CELF2: variants seen among roughly 807,000 people sequenced by gnomAD.
CELF2 encodes the protein CUG triplet repeat RNA-binding protein 2.
In CELF2, 8 loss-of-function variants were observed where a neutral mutation model predicts 62.6. The ratio of observed to expected loss-of-function variants is 0.13; its 90% CI spans 0.07 to 0.23. The LOEUF is 0.23. Ranked by LOEUF, CELF2 falls within the 10% of genes least tolerant of loss-of-function variation. The probability of loss-of-function intolerance (pLI) is 1.00; values close to 1 mark genes in which losing one functional copy is unlikely to be tolerated. For synonymous variants in CELF2, 258 were observed against 250.0 expected (o/e 1.03, Z -0.30); for missense variants, 333 against 671.0 (o/e 0.50, Z 5.56).
the CELF2 span, among the ~76,000 whole-genome samples, chr10:10,614,311 G>A: frequency 2.4e-4 from 37 of 151,982 alleles, no homozygotes; most frequent in Admixed American, 3.3e-4. Flanking sequence ...CTACCAGAGT[G>A]GTAGAAGACT....
At chr10:10,893,159 G>A (rs1032743815) in intron 1 of CELF2, among the ~76,000 whole-genome samples, 3 of 152,170 alleles carry the variant, frequency 2.0e-5, no homozygotes, top group African/African-American at 7.2e-5. Flanking sequence ...AAATCCCAAT[G>A]AGGGCAGTCA....
chr10:10,849,908 C>T (rs534604991), intron 1 of CELF2, among the ~76,000 whole-genome samples: 16 of 151,538 alleles, frequency 1.1e-4, no homozygotes, highest in Admixed American at 3.9e-4. Flanking sequence ...TTTGGGAGGC[C>T]GAGGCAGGCA....
chr10:10,904,160 T>C (rs1363123072), intron 1 of CELF2, among the ~76,000 whole-genome samples: 3 of 152,212 alleles, frequency 2.0e-5, no homozygotes, highest in Non-Finnish European at 4.4e-5. Flanking sequence ...ATCCTTAAAC[T>C]GAACCATATT....
In CELF2 at chr10:11,159,014, G is replaced by T. The variant is rs1460358035; in HGVS notation, c.75-6472G>T. Among the ~76,000 whole-genome samples, 2 of 152,222 alleles carry T rather than the reference G, an allele frequency of 1.3e-5. No individual in the cohort carries two copies. The highest frequency in any genetic ancestry group is 4.8e-5 in the African/African-American group (2 of 41,464). ...TTCAGAGGAGCTCAAGCTATTTAAT[G>T]ACAATTTGACCATTTAGAGAAGGGC... On this transcript the variant is annotated intron_variant, in intron 1 of 12. Coordinates refer to ENST00000633077, the MANE Select transcript of CELF2 (RefSeq NM_001326342.2). The surrounding 1 kb of genome is among the most constrained non-coding windows in gnomAD (Gnocchi z 5.0).
At chr10:11,276,847 C>T (rs72775851) in intron 8 of CELF2, among the ~76,000 whole-genome samples, 16,866 of 152,292 alleles carry the variant, frequency 0.11, 1,098 homozygotes, top group Middle Eastern at 0.17. Context: ...AGCCCCTGCA[C>T]GCTCTGCGTG....
rs2075639188 is a variant in CELF2 at position 11,246,447 on chromosome 10, C to T, written c.355-2706C>T. On this transcript the variant is annotated intron_variant, in intron 3 of 12. Transcript: ENST00000633077. This position sits in a 1 kb window ranked among gnomAD's most constrained non-coding sequence, Gnocchi z 4.6. ...GTGACCTCAAAATAGAAGAAGCCCT[C>T]ATTCACCCTATCTACTGTTACCCTC... 6.6e-6 allele frequency among the ~76,000 whole-genome samples: 1 copy of T among 152,196 alleles called. No homozygotes were observed. The highest frequency in any genetic ancestry group is 2.4e-5 in the African/African-American group (1 of 41,444).
At chr10:10,804,037 G>A (rs756813601) in intron 1 of CELF2, among the ~76,000 whole-genome samples, 19 of 152,292 alleles carry the variant, frequency 1.2e-4, no homozygotes, top group South Asian at 2.1e-4. Context: ...GCTTTTTTCT[G>A]TGCCAATCAG....
chr10:10,839,206 G>C (rs577286185), intron 1 of CELF2, among the ~76,000 whole-genome samples: 2 of 152,106 alleles, frequency 1.3e-5, no homozygotes, highest in Admixed American at 1.3e-4. Flanking sequence ...CTGCTACCGG[G>C]TTGTCATTGC....
rs921456615 is a variant in CELF2 at position 11,242,642 on chromosome 10, A to C, written c.355-6511A>C. 1.3e-5 allele frequency among the ~76,000 whole-genome samples: 2 copies of C among 152,044 alleles called. No homozygotes were observed. The highest frequency in any genetic ancestry group is 3.8e-4 in the East Asian group (2 of 5,198). On this transcript the variant is annotated intron_variant, in intron 3 of 12. Coordinates refer to ENST00000633077, the MANE Select transcript of CELF2 (RefSeq NM_001326342.2). This position sits in a 1 kb window ranked among gnomAD's most constrained non-coding sequence, Gnocchi z 4.8. ...AGAAATGGCTTTGCTCCAAAGTCGTACTCTCATTTTCATTTTCATGAGTCA... is the reference window on the plus strand; with the variant it reads ...AGAAATGGCTTTGCTCCAAAGTCGTCCTCTCATTTTCATTTTCATGAGTCA...
At chr10:11,163,073 C>T (rs1201451301) in intron 1 of CELF2, among the ~76,000 whole-genome samples, 1 of 152,056 alleles carries the variant, frequency 6.6e-6, no homozygotes, top group African/African-American at 2.4e-5. Flanking sequence ...CATTGGCCGG[C>T]TCCTCTACTT....
the CELF2 span, among the ~76,000 whole-genome samples, chr10:10,557,550 G>GTT: frequency 6.7e-6 from 1 of 150,252 alleles, no homozygotes; most frequent in Non-Finnish European, 1.5e-5. Flanking sequence ...CTTTAAAATA[G>GTT]TTTTTTCCAA....
the CELF2 span, among the ~76,000 whole-genome samples, chr10:10,464,117 G>A: frequency 1.3e-5 from 2 of 152,054 alleles, no homozygotes; most frequent in African/African-American, 2.4e-5. Context: ...GAACCATGCC[G>A]CCCCTGGGTC....
intron 2 of CELF2, chr10:10,948,290 C>G (rs1006330832): frequency 1.3e-5 from 2 of 152,248 alleles, no homozygotes; most frequent in Non-Finnish European, 2.9e-5. Flanking sequence ...CCAGGAGGTG[C>G]CCTCTGGGAG....
At chr10:11,171,364 C>G (rs1439106171) in intron 2 of CELF2, 2 of 152,212 alleles carry the variant, frequency 1.3e-5, no homozygotes, top group Non-Finnish European at 2.9e-5. Flanking sequence ...GCTGGCCCGA[C>G]TGATCTTCGA....
intron 2 of CELF2, among the ~76,000 whole-genome samples, chr10:10,953,291 ATACCATCTATAAT>A (rs1360427196): frequency 6.6e-6 from 1 of 152,194 alleles, no homozygotes; most frequent in Non-Finnish European, 1.5e-5. Context: ...CTTTCACTCT[ATACCATCTATAAT>A]TACCATCTAT....
At chr10:10,878,720 G>C (rs1206350311) in intron 1 of CELF2, among the ~76,000 whole-genome samples, 18 of 152,054 alleles carry the variant, frequency 1.2e-4, no homozygotes, top group Admixed American at 1.2e-3. Flanking sequence ...AAGAGTGTTT[G>C]TTTCCAATTC....
chr10:10,532,485 G>C, the CELF2 span, among the ~76,000 whole-genome samples: 1 of 152,222 alleles, frequency 6.6e-6, no homozygotes, highest in African/African-American at 2.4e-5. Flanking sequence ...GGAACCCTAA[G>C]AGTTTAAGTG....
Position 10,911,936 on chromosome 10 carries a change from A to G in CELF2, c.54-8028A>G, listed in dbSNP as rs1327505393. 2.0e-5 allele frequency among the ~76,000 whole-genome samples: 3 copies of G among 152,324 alleles called. No individual in the cohort carries two copies. In the East Asian group the frequency reaches 5.8e-4, roughly 29 times the overall value. On this transcript the variant is annotated intron_variant, in intron 1 of 13. Coordinates refer to the CELF2 transcript ENST00000636488. ...TGTAAAGTATCTCTTGTCGAAACCT[A>G]CAGTTTTCTAAGTGATGTGGTGAGT...
In CELF2 at chr10:11,214,049, C is replaced by T. The variant is rs1023681334; in HGVS notation, c.272-3376C>T. 9.2e-5 allele frequency among the ~76,000 whole-genome samples: 14 copies of T among 152,080 alleles called. No individual in the cohort carries two copies. Among genetic ancestry groups the T allele is most frequent in the African/African-American group, 2.7e-4 (11 of 41,394 alleles). On this transcript the variant is annotated intron_variant, in intron 2 of 12. Coordinates refer to ENST00000633077, the MANE Select transcript of CELF2 (RefSeq NM_001326342.2). The surrounding 1 kb of genome is among the most constrained non-coding windows in gnomAD (Gnocchi z 4.2). ...CTATAGTCTAAGGGCTTTGGGAGGC[C>T]GAGGTGGGAGGACCACTTGAGGCCA...
Sources: gnomAD v4.1 joint callset for allele counts (sites outside exome capture counted in the v4.1 genomes callset) on GRCh38, gnomAD v4.1.1 for gene constraint, Gnocchi (gnomAD v3.1) non-coding constraint, MANE v1.5 for transcripts, NCBI Gene and HGNC (gene_info 2026-07-23, HGNC 2026-07-21) for gene names.